Variants in ZFHX2 observed in about 807,000 individuals in gnomAD.
The protein encoded by ZFHX2 is zinc finger homeobox 2, also known as zinc finger homeobox protein 2.
A neutral mutation model predicts 164.8 loss-of-function variants in ZFHX2; 75 were observed. That is an observed-to-expected ratio of 0.46 (90% confidence interval 0.38 to 0.55). The LOEUF (loss-of-function observed/expected upper bound fraction) is 0.55, where lower values mean the gene tolerates loss of function less well. Ranked by LOEUF, ZFHX2 falls within the 20% of genes least tolerant of loss-of-function variation. The pLI, the probability that ZFHX2 is intolerant of heterozygous loss-of-function variation, is 0.00. For synonymous variants in ZFHX2, 1,217 were observed against 1,351.4 expected (o/e 0.90, Z 2.18); for missense variants, 2,933 against 3,308.0 (o/e 0.89, Z 2.78).
At chr14:23,538,260 T>C (rs1048890665) in intron 1 of ZFHX2, among the ~76,000 whole-genome samples, 2 of 152,140 alleles carry the variant, frequency 1.3e-5, no homozygotes, top group African/African-American at 4.8e-5. Context: ...CTAACCCTCC[T>C]CCTCTTTAGG....
intron 5 of ZFHX2, 57 bp from the exon 6 acceptor site, chr14:23,529,825 A>G: frequency 6.7e-7 from 1 of 1,496,452 alleles, no homozygotes; most frequent in Non-Finnish European, 9.0e-7. Context: ...GATGATTTGT[A>G]GCAGAGAGCT....
chr14:23,526,184 C>T lies in ZFHX2; in HGVS notation c.3758G>A (p.Cys1253Tyr), dbSNP rs749653921. 6.5e-7 allele frequency: 1 copy of T among 1,536,528 alleles called. No individual in the cohort carries two copies. Among genetic ancestry groups the T allele is most frequent in the Non-Finnish European group, 8.7e-7 (1 of 1,146,934 alleles). ...GGAGCTCTGGTTGTAGGAGACTCTGCAGACTGTGCACTTAAAGGGCTTGTC... is the reference window on the plus strand; with the variant it reads ...GGAGCTCTGGTTGTAGGAGACTCTGTAGACTGTGCACTTAAAGGGCTTGTC... ...ATDKPFKCTV[C>Y]RVSYNQSSTL... Residue 1253 changes from cysteine to tyrosine, a missense_variant, in exon 9 of 10, where the codon TGC becomes TAC. Physicochemically the swap from Cys to Tyr is radical, Grantham distance 194 (BLOSUM62 -2). Coordinates refer to ENST00000419474, the MANE Select transcript of ZFHX2 (RefSeq NM_033400.3).
chr14:23,534,010 C>T lies in ZFHX2; in HGVS notation c.1316G>A (p.Ser439Asn). ...PAAFQGLSLS[S>N]HMSLLHSRNS... ...GCGTGAGTGGAGCAGGGACATGTGGCTGGACAGGCTGAGGCCCTGGAAGGC... is the reference window on the plus strand; with the variant it reads ...GCGTGAGTGGAGCAGGGACATGTGGTTGGACAGGCTGAGGCCCTGGAAGGC... The change falls in exon 2 of 10, where the codon AGC becomes AAC. Residue 439 changes from serine (S) to asparagine (N), a missense_variant. By Grantham distance (46) the Ser-to-Asn change is conservative (BLOSUM62 1). Coordinates refer to ENST00000419474, the MANE Select transcript of ZFHX2 (RefSeq NM_033400.3). The surrounding 1 kb of genome is among the most constrained non-coding windows in gnomAD (Gnocchi z 4.5). 4 of 1,536,980 alleles carry T rather than the reference C, an allele frequency of 2.6e-6. No individual in the cohort carries two copies. Among genetic ancestry groups the T allele is most frequent in the Non-Finnish European group, 3.5e-6 (4 of 1,146,814 alleles).
At chr14:23,529,819 AT>A (rs1399881131) in intron 5 of ZFHX2, 51 bp from the exon 6 acceptor site, 3 of 1,514,066 alleles carry the variant, frequency 2.0e-6, no homozygotes, top group Non-Finnish European at 2.7e-6. Context: ...CCTCAAGATG[AT>A]TTGTAGCAGA....
chr14:23,534,854 G>A lies in ZFHX2; in HGVS notation c.472C>T (p.Leu158Phe), dbSNP rs1286987361. The A allele has an allele frequency of 4.6e-6, 7 of 1,536,148 alleles. No homozygotes were observed. Among genetic ancestry groups the A allele is most frequent in the Admixed American group, 2.0e-5 (1 of 51,006 alleles). ...GIKEEPSLPF[L>F]AYPPPSHLTA... is the part of the protein sequence containing the mutation. ...AGGTGTGAGGGGGGTGGGTAGGCAAGGAAGGGCAGACTGGGCTCTTCCTTG... is the reference window on the plus strand; with the variant it reads ...AGGTGTGAGGGGGGTGGGTAGGCAAAGAAGGGCAGACTGGGCTCTTCCTTG... The change falls in exon 2 of 10, where the codon CTT becomes TTT. Residue 158 changes from leucine (L) to phenylalanine (F), a missense_variant. By Grantham distance (22) the Leu-to-Phe change is conservative (BLOSUM62 0). Coordinates refer to ENST00000419474, the MANE Select transcript of ZFHX2 (RefSeq NM_033400.3). The surrounding 1 kb of genome is among the most constrained non-coding windows in gnomAD (Gnocchi z 4.5).
rs12883747 is a variant in ZFHX2 at position 23,535,220 on chromosome 14, G to C, written c.106C>G (p.Pro36Ala). ...GCAGCAGGGGGATCTTTGGTGACAG[G>C]ATCAGAGGGGGTGCTGGAGGAGAAG... ...DTFSSSTPSD[P>A]VTKDPPAASS... is the part of the protein sequence containing the mutation. The change falls in exon 2 of 10, where the codon CCT becomes GCT. Residue 36 changes from proline to alanine, a missense_variant. By Grantham distance (27) the Pro-to-Ala change is conservative (BLOSUM62 -1). Transcript: ENST00000419474. This position sits in a 1 kb window ranked among gnomAD's most constrained non-coding sequence, Gnocchi z 4.5. The C allele has an allele frequency of 6.6e-7, 1 of 1,526,038 alleles. No homozygotes were observed. The highest frequency in any genetic ancestry group is 1.2e-5 in the South Asian group (1 of 83,742). 94.5% of individuals were successfully genotyped at this position (1,526,038 alleles called of 1,614,324 possible).
Position 23,535,191 on chromosome 14 carries a change from G to A in ZFHX2, c.135C>T (p.Ser45=). The A allele has an allele frequency of 6.5e-7, 1 of 1,531,438 alleles. No homozygotes were observed. The highest frequency in any genetic ancestry group is 1.7e-4 in the Middle Eastern group (1 of 5,972). 94.9% of individuals were successfully genotyped at this position (1,531,438 alleles called of 1,614,324 possible). ...DPVTKDPPAA[S]STSENMRSSE... ...AGGACCTCATGTTCTCAGAGGTGGA[G>A]GAGGCAGCAGGGGGATCTTTGGTGA... Residue 45 remains serine (S), a synonymous_variant, in exon 2 of 10, where the codon TCC becomes TCT. Coordinates refer to ENST00000419474, the MANE Select transcript of ZFHX2 (RefSeq NM_033400.3). This position sits in a 1 kb window ranked among gnomAD's most constrained non-coding sequence, Gnocchi z 4.5.
At position 23,526,111 on chromosome 14, in the gene ZFHX2, C is replaced by A. The variant is rs1196953295; in HGVS notation, c.3831G>T (p.Arg1277=). ...MRSVLHQTRS[R]GTKTDSKIEG... is the part of the protein sequence containing the mutation. ...CAATCTTGGAATCAGTCTTGGTTCC[C>A]CGAGAGCGAGTCTGATGCAGAACTG... is the stretch of plus-strand genomic sequence containing the variant. Residue 1277 remains arginine, a synonymous_variant, in exon 9 of 10, where the codon CGG becomes CGT. Coordinates refer to ENST00000419474, the MANE Select transcript of ZFHX2 (RefSeq NM_033400.3). 1.3e-6 allele frequency: 2 copies of A among 1,536,452 alleles called. No individual in the cohort carries two copies.
intron 1 of ZFHX2, chr14:23,538,191 T>A (rs192681762): frequency 7.9e-5 from 12 of 152,308 alleles, no homozygotes; most frequent in African/African-American, 2.4e-4. Context: ...GAGACTCTGA[T>A]CGGCCGAGGG....
At chr14:23,554,377 T>C (rs991726910), upstream of ZFHX2, among the ~76,000 whole-genome samples, 1 of 151,974 alleles carries the variant, frequency 6.6e-6, no homozygotes, top group African/African-American at 2.4e-5. Flanking sequence ...CAAGATGCCA[T>C]TTGTTTATTT....
chr14:23,529,688 TC>T, intron 6 of ZFHX2, 21 bp downstream of exon 6: 1 of 1,535,402 alleles, frequency 6.5e-7, no homozygotes, highest in Non-Finnish European at 8.7e-7. Flanking sequence ...CTTCAGCTCT[TC>T]CCAGTTACCC....
In ZFHX2 at chr14:23,524,541, G is replaced by A. The variant is rs754125030; in HGVS notation, c.5401C>T (p.Pro1801Ser). 6.5e-7 allele frequency: 1 copy of A among 1,527,714 alleles called. No individual in the cohort carries two copies. Among genetic ancestry groups the A allele is most frequent in the Non-Finnish European group, 8.8e-7 (1 of 1,142,238 alleles). 94.6% of individuals were successfully genotyped at this position (1,527,714 alleles called of 1,614,324 possible). Residue 1801 changes from proline to serine, a missense_variant, in exon 9 of 10, where the codon CCC becomes TCC. By Grantham distance (74) the Pro-to-Ser change is moderately conservative. Transcript: ENST00000419474. The surrounding 1 kb of genome is among the most constrained non-coding windows in gnomAD (Gnocchi z 5.6). ...HFLPSLQPSA[P>S]PQLLDLPLLV... ...AAGGGCAGATCTAGGAGTTGGGGGG[G>A]AGCACTGGGCTGCAGAGATGGCAGG...
At chr14:23,544,878 T>C (rs528942571) in intron 1 of ZFHX2, among the ~76,000 whole-genome samples, 24 of 152,164 alleles carry the variant, frequency 1.6e-4, no homozygotes, top group Non-Finnish European at 3.1e-4. Flanking sequence ...ACCTTTTTTT[T>C]CTGCTCCTCC....
Position 23,533,909 on chromosome 14 carries a change from G to A in ZFHX2, c.1417C>T (p.Arg473Ter), listed in dbSNP as rs1879869202. The A allele has an allele frequency of 3.3e-6, 5 of 1,537,898 alleles. No individual in the cohort carries two copies. The highest frequency in any genetic ancestry group is 4.4e-6 in the Non-Finnish European group (5 of 1,147,150). ...KYQQTLDVHM[R>*]EKHPESNSHC... ...CTGTTGCTCTCAGGGTGCTTCTCTC[G>A]CATGTGCACATCCAGGGTCTGCTGG... The change falls in exon 2 of 10, where the codon CGA (arginine) becomes TGA (stop). Residue 473 changes from arginine (R) to a stop codon, truncating the protein, a stop_gained. Transcript: ENST00000419474. LOFTEE classifies it high-confidence loss of function. The surrounding 1 kb of genome is among the most constrained non-coding windows in gnomAD (Gnocchi z 4.8).
At chr14:23,528,855 C>G (rs987113535) in intron 6 of ZFHX2, 2 of 984,978 alleles carry the variant, frequency 2.0e-6, no homozygotes, top group Non-Finnish European at 2.4e-6. Context: ...ACCTACCCAG[C>G]CTGCATCCAG....
chr14:23,544,477 T>C (rs141108699), intron 1 of ZFHX2, among the ~76,000 whole-genome samples: 4,330 of 152,308 alleles, frequency 0.028, 101 homozygotes, highest in Middle Eastern at 0.065. Context: ...AACCTGGCTG[T>C]AGCCCTGTCC....
In ZFHX2 at chr14:23,533,025, A is replaced by T; in HGVS notation, c.2101T>A (p.Ser701Thr). Residue 701 changes from serine to threonine, a missense_variant, in exon 3 of 10, where the codon TCT (serine) becomes ACT (threonine). Ser to Thr is a moderately conservative substitution (Grantham distance 58). Coordinates refer to ENST00000419474, the MANE Select transcript of ZFHX2 (RefSeq NM_033400.3). This position sits in a 1 kb window ranked among gnomAD's most constrained non-coding sequence, Gnocchi z 4.8. The stretch of plus-strand genomic sequence containing the variant: ...GGTGGTGAGGTGGGCAGGCTGTCAG[A>T]TGAGGAACCCAGGAGCTGACTTGGA... Reference protein sequence around the residue: ...LPPSQLLGSSSDSLPTSPPPD... With the variant: ...LPPSQLLGSSTDSLPTSPPPD... 1 of 1,536,000 alleles carries T rather than the reference A, an allele frequency of 6.5e-7. No individual in the cohort carries two copies. Among genetic ancestry groups the T allele is most frequent in the Non-Finnish European group, 8.7e-7 (1 of 1,146,800 alleles).
chr14:23,522,835 C>T lies in ZFHX2; in HGVS notation c.6846G>A (p.Met2282Ile). The T allele has an allele frequency of 6.5e-7, 1 of 1,533,758 alleles. No individual in the cohort carries two copies. The highest frequency in any genetic ancestry group is 8.7e-7 in the Non-Finnish European group (1 of 1,145,470). The change falls in exon 10 of 10, where the codon ATG (methionine) becomes ATA (isoleucine). Residue 2282 changes from methionine (M) to isoleucine (I), a missense_variant. Transcript: ENST00000419474. Reference sequence around the variant, plus strand: ...CTGTGGAGGTGTTGGTTTGGTCGGGCATGGGTCTCTGAGGTAAGGGGCGGC... The same window carrying T: ...CTGTGGAGGTGTTGGTTTGGTCGGGTATGGGTCTCTGAGGTAAGGGGCGGC... ...GPGRPLPQRP[M>I]PDQTNTSTAG... is the part of the protein sequence containing the mutation.
In ZFHX2 at chr14:23,546,029, G is replaced by A. The variant is rs1372161773; in HGVS notation, c.-50+5314C>T. ...CCCAGCCCCAAAGGGAGAGGTCCAG[G>A]GCAGTTAGCTATGACTGGAGGAGGC... On this transcript the variant is annotated intron_variant, in intron 1 of 9. Coordinates refer to ENST00000419474, the MANE Select transcript of ZFHX2 (RefSeq NM_033400.3). This position sits in a 1 kb window ranked among gnomAD's most constrained non-coding sequence, Gnocchi z 4.7. Among the ~76,000 whole-genome samples the A allele has an allele frequency of 6.6e-6, 1 of 152,166 alleles. No individual in the cohort carries two copies. The highest frequency in any genetic ancestry group is 2.4e-5 in the African/African-American group (1 of 41,440).
Sources: allele counts gnomAD v4.1 joint callset (sites outside exome capture counted in the v4.1 genomes callset), GRCh38; gene constraint gnomAD v4.1.1; non-coding constraint Gnocchi (gnomAD v3.1); transcripts MANE v1.5; gene names NCBI Gene and HGNC (gene_info 2026-07-23, HGNC 2026-07-21).